Variants in CHODL observed in about 807,000 individuals in gnomAD.
CHODL encodes the protein transmembrane protein MT75.
Under a neutral mutation model 34.5 loss-of-function variants are expected in CHODL, and 29 were observed. The observed-to-expected ratio is 0.84, with a 90% CI of 0.63 to 1.15. The LOEUF (loss-of-function observed/expected upper bound fraction) is 1.15. Ranked by LOEUF, CHODL falls within the 50% of genes most tolerant of loss-of-function variation. The pLI is 0.00. For missense variants in CHODL, 332 were observed against 332.5 expected (o/e 1.00, Z 0.01); for synonymous variants, 125 against 116.1 (o/e 1.08, Z -0.49).
At position 18,168,534 on chromosome 21, in the gene CHODL, A is replaced by C. The variant is rs538585170; in HGVS notation, c.-44-87975A>C. Among the ~76,000 whole-genome samples, 4 of 152,294 alleles carry C rather than the reference A, an allele frequency of 2.6e-5. No individual in the cohort carries two copies. In the South Asian group the frequency reaches 8.3e-4, roughly 32 times the overall value. Reference sequence around the variant, plus strand: ...TTTCCCTAATGATTAATGATATTAGACATCTTATCTTGTGCCTATTGGCCA... The same window carrying C: ...TTTCCCTAATGATTAATGATATTAGCCATCTTATCTTGTGCCTATTGGCCA... On this transcript the variant is annotated intron_variant, in intron 2 of 6. Transcript: ENST00000400127.
intron 2 of CHODL, among the ~76,000 whole-genome samples, chr21:18,135,183 G>A (rs2824648): frequency 0.31 from 47,619 of 152,022 alleles, 8,208 homozygotes; most frequent in East Asian, 0.59. Context: ...TATTATATAC[G>A]AGGAAAATTC....
chr21:18,261,295 A>C (rs1326727633), intron 4 of CHODL, among the ~76,000 whole-genome samples: 1 of 152,028 alleles, frequency 6.6e-6, no homozygotes, highest in African/African-American at 2.4e-5. Context: ...CAGAACATCT[A>C]AACCTAATTA....
intron 2 of CHODL, among the ~76,000 whole-genome samples, chr21:18,235,896 T>C (rs935176093): frequency 2.0e-5 from 3 of 152,138 alleles, no homozygotes; most frequent in African/African-American, 7.2e-5. Context: ...AAATGAATAG[T>C]TTTCTACCTT....
intron 2 of CHODL, among the ~76,000 whole-genome samples, chr21:18,082,036 T>C (rs1193851062): frequency 6.6e-6 from 1 of 152,340 alleles, no homozygotes; most frequent in Non-Finnish European, 1.5e-5. Context: ...TTTGACTCTG[T>C]GTCCCCACCC....
At chr21:18,085,594 CTT>C (rs2064996182) in intron 2 of CHODL, among the ~76,000 whole-genome samples, 1 of 151,982 alleles carries the variant, frequency 6.6e-6, no homozygotes, top group South Asian at 2.1e-4. Flanking sequence ...ATGGGAAAGA[CTT>C]TATTTCATTT....
intron 2 of CHODL, among the ~76,000 whole-genome samples, chr21:18,052,478 A>G (rs1438330726): frequency 6.6e-6 from 1 of 151,962 alleles, no homozygotes; most frequent in African/African-American, 2.4e-5. Context: ...GTTAAATAAC[A>G]AAACATTTTG....
At chr21:18,055,441 C>A (rs1430013087) in intron 2 of CHODL, among the ~76,000 whole-genome samples, 2 of 151,964 alleles carry the variant, frequency 1.3e-5, no homozygotes, top group Non-Finnish European at 2.9e-5. Context: ...AAAGAAGGAG[C>A]AATCTTCCAC....
chr21:18,090,084 T>C (rs1173805427), intron 2 of CHODL, among the ~76,000 whole-genome samples: 1 of 152,250 alleles, frequency 6.6e-6, no homozygotes, highest in Non-Finnish European at 1.5e-5. Context: ...ACAATAACCC[T>C]ATCAGTGCAT....
intron 1 of CHODL, among the ~76,000 whole-genome samples, chr21:17,992,466 G>A (rs1368506632): frequency 6.6e-6 from 1 of 152,020 alleles, no homozygotes; most frequent in African/African-American, 2.4e-5. Flanking sequence ...CCATTTGTTT[G>A]TGCTTTCAAT....
At chr21:17,963,080 AAT>A (rs2063545179) in intron 1 of CHODL, among the ~76,000 whole-genome samples, 2 of 104,364 alleles carry the variant, frequency 1.9e-5, no homozygotes, top group African/African-American at 9.8e-5. Flanking sequence ...AAAAAATAAT[AAT>A]AATAATAATA....
At chr21:18,136,589 C>G (rs2072732079) in intron 2 of CHODL, among the ~76,000 whole-genome samples, 1 of 151,778 alleles carries the variant, frequency 6.6e-6, no homozygotes. Flanking sequence ...TACATTTTTA[C>G]TTAGTAGCTT....
chr21:18,003,081 G>A (rs562229962), intron 1 of CHODL, among the ~76,000 whole-genome samples: 84 of 147,050 alleles, frequency 5.7e-4, no homozygotes, highest in Non-Finnish European at 1.1e-3. Context: ...CCGAGATCGC[G>A]CCACTGCACT....
At chr21:18,020,037 G>T (rs757828551) in intron 1 of CHODL, among the ~76,000 whole-genome samples, 7 of 152,126 alleles carry the variant, frequency 4.6e-5, no homozygotes, top group Non-Finnish European at 1.0e-4. Flanking sequence ...AGGTCATATG[G>T]AAATAGATGG....
chr21:17,936,997 C>A (rs1370763677), intron 1 of CHODL, among the ~76,000 whole-genome samples: 6 of 150,052 alleles, frequency 4.0e-5, no homozygotes, highest in African/African-American at 1.5e-4. Flanking sequence ...TCACTTGAAC[C>A]CTGGAGGCAG....
intron 2 of CHODL, among the ~76,000 whole-genome samples, chr21:18,065,256 G>A (rs2064717431): frequency 6.6e-6 from 1 of 152,122 alleles, no homozygotes; most frequent in South Asian, 2.1e-4. Context: ...ATTGGAATAG[G>A]CATTATAAGG....
At chr21:18,219,200 TCA>T (rs1042905662) in intron 2 of CHODL, among the ~76,000 whole-genome samples, 14 of 152,152 alleles carry the variant, frequency 9.2e-5, no homozygotes, top group African/African-American at 3.4e-4. Flanking sequence ...TTTTATTGAC[TCA>T]CAGTTCCACA....
intron 2 of CHODL, among the ~76,000 whole-genome samples, chr21:18,238,974 C>A (rs532057050): frequency 1.1e-3 from 160 of 152,176 alleles, no homozygotes; most frequent in African/African-American, 3.7e-3. Flanking sequence ...CTTTAACACT[C>A]TAGAAAATTA....
At chr21:17,977,611 C>T (rs138424692) in intron 1 of CHODL, among the ~76,000 whole-genome samples, 6,079 of 148,216 alleles carry the variant, frequency 0.041, 134 homozygotes, top group South Asian at 0.084. Context: ...TCACCTGCCT[C>T]GGCCTCCCAA....
intron 2 of CHODL, among the ~76,000 whole-genome samples, chr21:18,134,960 T>C (rs1261174670): frequency 6.6e-6 from 1 of 152,238 alleles, no homozygotes; most frequent in African/African-American, 2.4e-5. Context: ...AACAAAGATG[T>C]GCTTTTTCTT....
Sources: gnomAD v4.1 joint callset for allele counts (sites outside exome capture counted in the v4.1 genomes callset) on GRCh38, gnomAD v4.1.1 for gene constraint, MANE v1.5 for transcripts, NCBI Gene and HGNC (gene_info 2026-07-23, HGNC 2026-07-21) for gene names.